The following CHCHD3 variants were observed in gnomAD, a reference collection of about 807,000 sequenced individuals.
CHCHD3 encodes MICOS complex subunit MIC19.
In CHCHD3, 20 loss-of-function variants were observed where a neutral mutation model predicts 38.2. That is an observed-to-expected ratio of 0.52 (90% CI 0.37 to 0.76). CHCHD3 has a LOEUF of 0.76. Ranked by LOEUF, CHCHD3 falls within the 30% of genes least tolerant of loss-of-function variation. CHCHD3 has a pLI of 0.00. For missense variants in CHCHD3, 245 were observed against 279.2 expected, an observed-to-expected ratio of 0.88 and a Z score of 0.87; for synonymous variants, 82 against 100.0, an observed-to-expected ratio of 0.82 and a Z score of 1.07.
chr7:133,044,855 C>A (rs1234329059), intron 2 of CHCHD3, among the ~76,000 whole-genome samples: 1 of 152,228 alleles, frequency 6.6e-6, no homozygotes, highest in Non-Finnish European at 1.5e-5. Context: ...CTCTCCTCCC[C>A]AGGCGGGAGA....
chr7:133,024,940 C>G (rs1388846882), intron 2 of CHCHD3, among the ~76,000 whole-genome samples: 1 of 152,062 alleles, frequency 6.6e-6, no homozygotes, highest in Non-Finnish European at 1.5e-5. Context: ...GATGTCCTAA[C>G]ATTAAAGTCT....
At chr7:132,896,225 TG>T (rs542969348) in intron 4 of CHCHD3, among the ~76,000 whole-genome samples, 14 of 152,370 alleles carry the variant, frequency 9.2e-5, no homozygotes, top group Admixed American at 2.6e-4. Context: ...CTACAACTTC[TG>T]GTAAAACTAG....
Position 133,013,206 on chromosome 7 carries a change from A to AAAAAAAAAG in CHCHD3, c.251+11339_251+11340insCTTTTTTTT, listed in dbSNP as rs35863843. Among the ~76,000 whole-genome samples, 28 of 108,734 alleles carry AAAAAAAAAG rather than the reference A, an allele frequency of 2.6e-4. 9 individuals are homozygous for AAAAAAAAAG. The highest frequency in any genetic ancestry group is 2.7e-4 in the Non-Finnish European group (15 of 55,934). 71.3% of individuals were successfully genotyped at this position (108,734 alleles called of 152,430 possible). ...GCCTCAAAAAAAAAAAAAAAAAAAA[A>AAAAAAAAAG]CATTCAGACAGACATATAATAGGTA... On this transcript the variant is annotated intron_variant, in intron 3 of 7. Coordinates refer to ENST00000262570, the MANE Select transcript of CHCHD3 (RefSeq NM_017812.4).
At chr7:132,863,423 G>A (rs1040917175) in intron 5 of CHCHD3, among the ~76,000 whole-genome samples, 3 of 152,170 alleles carry the variant, frequency 2.0e-5, no homozygotes, top group Admixed American at 6.5e-5. Context: ...GTAAACAGAC[G>A]TGCTACCATC....
In CHCHD3 at chr7:132,857,695, G is replaced by A. The variant is rs976497605; in HGVS notation, c.454-19226C>T. On this transcript the variant is annotated intron_variant, in intron 5 of 7. Coordinates refer to ENST00000262570, the MANE Select transcript of CHCHD3 (RefSeq NM_017812.4). Reference sequence around the variant, plus strand: ...AGTGCTGGGATTACAGGCATGAGCCGCTGCGCCTGGCCTAGGCAGCCTATT... The same window carrying A: ...AGTGCTGGGATTACAGGCATGAGCCACTGCGCCTGGCCTAGGCAGCCTATT... Among the ~76,000 whole-genome samples the A allele has an allele frequency of 4.6e-5, 7 of 152,060 alleles. 1 individual carries two copies. Among genetic ancestry groups the A allele is most frequent in the Admixed American group, 2.0e-4 (3 of 15,282 alleles).
chr7:132,878,063 T>A lies in CHCHD3; in HGVS notation c.453+7599A>T, dbSNP rs146091795. On this transcript the variant is annotated intron_variant, in intron 5 of 7. Coordinates refer to ENST00000262570, the MANE Select transcript of CHCHD3 (RefSeq NM_017812.4). The stretch of plus-strand genomic sequence containing the variant: ...AAACCAAGTTTAAGTTATCTCCCCA[T>A]CTCCAAAAAACGACTGTTTATATTT... 6.6e-3 allele frequency among the ~76,000 whole-genome samples: 998 copies of A among 152,226 alleles called. 13 individuals carry two copies. The highest frequency in any genetic ancestry group is 0.02 in the Middle Eastern group (6 of 294).
intron 5 of CHCHD3, among the ~76,000 whole-genome samples, chr7:132,851,924 A>T (rs554881166): frequency 5.9e-5 from 9 of 152,284 alleles, no homozygotes; most frequent in Admixed American, 2.0e-4. Flanking sequence ...TATGACTAGG[A>T]ACTCTATAAA....
intron 4 of CHCHD3, among the ~76,000 whole-genome samples, chr7:132,947,037 G>T (rs1810919454): frequency 6.6e-6 from 1 of 151,848 alleles, no homozygotes; most frequent in Non-Finnish European, 1.5e-5. Context: ...GTGGACCAAT[G>T]AGTACTTATT....
intron 2 of CHCHD3, among the ~76,000 whole-genome samples, chr7:133,060,701 C>CA (rs762972117): frequency 1.3e-5 from 2 of 152,036 alleles, no homozygotes; most frequent in Non-Finnish European, 2.9e-5. Flanking sequence ...CTGACGTCAG[C>CA]AGTTCGAGAC....
chr7:132,834,592 A>T lies in CHCHD3; in HGVS notation c.524+3807T>A, dbSNP rs1807730731. On this transcript the variant is annotated intron_variant, in intron 6 of 7. Transcript: ENST00000262570. ...AATTCAATGGTTCAATAATTCACTG[A>T]AAGAACTCAGAACTCACTGTAAGCT... 1.3e-5 allele frequency among the ~76,000 whole-genome samples: 2 copies of T among 152,208 alleles called. 1 individual carries two copies. Among genetic ancestry groups the T allele is most frequent in the Admixed American group, 1.3e-4 (2 of 15,284 alleles).
In CHCHD3 at chr7:132,838,303, G is replaced by T. The variant is rs79772427; in HGVS notation, c.524+96C>A. ...AAAACTCTTCCAAGTATTCTAGAGT[G>T]CTATATAACAAACTATGATCTGTGC... On this transcript the variant is annotated intron_variant, in intron 6 of 7. Transcript: ENST00000262570. 3,235 of 775,302 alleles carry T rather than the reference G, an allele frequency of 4.2e-3. 71 individuals carry two copies. In the African/African-American group the frequency reaches 0.049, roughly 12 times the overall value. 48.0% of individuals were successfully genotyped at this position (775,302 alleles called of 1,614,324 possible). A position where few individuals can be genotyped will look rare whatever the true frequency, so the allele number is the denominator to read the frequency against.
At chr7:133,078,423 G>A (rs952678590) in intron 1 of CHCHD3, among the ~76,000 whole-genome samples, 7 of 152,142 alleles carry the variant, frequency 4.6e-5, no homozygotes, top group South Asian at 4.2e-4. Flanking sequence ...GCACATGCCC[G>A]TAGTCCCAGA....
intron 3 of CHCHD3, among the ~76,000 whole-genome samples, chr7:133,019,473 A>C (rs1265551191): frequency 6.6e-6 from 1 of 152,204 alleles, no homozygotes; most frequent in Non-Finnish European, 1.5e-5. Context: ...CAATGGAAAA[A>C]TAAAAGGACT....
At chr7:133,081,415 A>T (rs1399164998) in intron 1 of CHCHD3, among the ~76,000 whole-genome samples, 1 of 152,120 alleles carries the variant, frequency 6.6e-6, no homozygotes, top group East Asian at 1.9e-4. Flanking sequence ...GGAGAGCACT[A>T]AATGACACAA....
intron 2 of CHCHD3, among the ~76,000 whole-genome samples, chr7:133,050,300 G>A (rs1437221172): frequency 8.1e-6 from 1 of 124,202 alleles, no homozygotes; most frequent in Non-Finnish European, 1.6e-5. Flanking sequence ...CCAAGATCTT[G>A]CCACTGTACC....
chr7:132,929,812 G>C (rs1011024378), intron 4 of CHCHD3, among the ~76,000 whole-genome samples: 1 of 152,192 alleles, frequency 6.6e-6, no homozygotes, highest in African/African-American at 2.4e-5. Context: ...TTATGGTAAA[G>C]GGGTAGATGC....
Position 133,082,053 on chromosome 7 carries a change from G to A in CHCHD3, c.-116C>T. ...TCTTTTCCCGCACAGCGGGAGCAAG[G>A]CCACGACCCCCAGAAGCAAGGAGAA... On this transcript the variant is annotated 5_prime_UTR_variant, in exon 1 of 8. Transcript: ENST00000262570. 1 of 934,800 alleles carries A rather than the reference G, an allele frequency of 1.1e-6. No homozygotes were observed. The highest frequency in any genetic ancestry group is 1.8e-5 in the South Asian group (1 of 57,056). 57.9% of individuals were successfully genotyped at this position (934,800 alleles called of 1,614,324 possible). A position where few individuals can be genotyped will look rare whatever the true frequency, so the allele number is the denominator to read the frequency against.
rs745600452 is a variant in CHCHD3, at chr7:132,966,963, C to T, written c.369+8206G>A. On this transcript the variant is annotated intron_variant, in intron 4 of 7. Transcript: ENST00000262570. The stretch of plus-strand genomic sequence containing the variant: ...GTAAATATGTTCACAATGAATGCCA[C>T]GTCATCATAAAGTGATGGAATTATA... 7.3e-4 allele frequency among the ~76,000 whole-genome samples: 111 copies of T among 152,290 alleles called. No homozygotes were observed. In the Middle Eastern group the frequency reaches 0.024, roughly 33 times the overall value.
chr7:132,849,144 C>CT (rs754631721), intron 5 of CHCHD3: 10 of 152,130 alleles, frequency 6.6e-5, no homozygotes, highest in Non-Finnish European at 1.5e-4. Context: ...GGCATAGGGC[C>CT]TGGTTTCTCC....
Sources: gnomAD v4.1 joint callset for allele counts (sites outside exome capture counted in the v4.1 genomes callset) on GRCh38, gnomAD v4.1.1 for gene constraint, MANE v1.5 for transcripts, NCBI Gene and HGNC (gene_info 2026-07-23, HGNC 2026-07-21) for gene names.